The following DSCAM variants were observed in gnomAD, a reference collection of about 807,000 sequenced individuals.
The protein encoded by DSCAM is cell adhesion molecule DSCAM.
In DSCAM, 47 loss-of-function variants were observed where a neutral mutation model predicts 217.7. The observed-to-expected ratio is 0.22, with a 90% confidence interval of 0.17 to 0.28. DSCAM has a LOEUF of 0.28. Among genes scored for constraint, DSCAM ranks in the 10% least tolerant of loss-of-function variants. The pLI is 1.00. For synonymous variants in DSCAM, 1,056 were observed against 1,015.3 expected (o/e 1.04, Z -0.76); for missense variants, 2,080 against 2,618.3 (o/e 0.79, Z 4.49).
At chr21:40,381,062 CAAAAAAAAAA>C (rs71186932) in intron 3 of DSCAM, among the ~76,000 whole-genome samples, 1 of 66,222 alleles carries the variant, frequency 1.5e-5, no homozygotes, top group Non-Finnish European at 2.7e-5. Flanking sequence ...GACTCCGTCT[CAAAAAAAAAA>C]AAAAAAAAAA....
intron 16 of DSCAM, among the ~76,000 whole-genome samples, chr21:40,146,457 G>GAAC (rs756948664): frequency 3.9e-4 from 60 of 152,260 alleles, no homozygotes; most frequent in South Asian, 3.3e-3. Flanking sequence ...TCGAGCTGAT[G>GAAC]AACAGCATTG....
chr21:40,314,994 T>C (rs1218244182), intron 8 of DSCAM, among the ~76,000 whole-genome samples: 1 of 152,194 alleles, frequency 6.6e-6, no homozygotes, highest in Admixed American at 6.5e-5. Context: ...GTTGAAAGGT[T>C]ACTGGGCTAA....
chr21:40,586,818 C>A (rs1305125572), intron 3 of DSCAM, among the ~76,000 whole-genome samples: 2 of 152,188 alleles, frequency 1.3e-5, no homozygotes, highest in Non-Finnish European at 2.9e-5. Context: ...AAGCAAATTT[C>A]TGTACCTAAC....
At position 40,312,232 on chromosome 21, in the gene DSCAM, G is replaced by T. The variant is rs2074146822; in HGVS notation, c.1911C>A (p.Ile637=). The T allele has an allele frequency of 1.2e-6, 2 of 1,614,004 alleles. No homozygotes were observed. Among genetic ancestry groups the T allele is most frequent in the Admixed American group, 1.7e-5 (1 of 59,994 alleles). Reference sequence around the variant, plus strand: ...CAATGGTCACCCCAAGGCTCCCAGGGATTGGCCGGCCATCCTTCTGCCAGG... The same window carrying T: ...CAATGGTCACCCCAAGGCTCCCAGGTATTGGCCGGCCATCCTTCTGCCAGG... ...TITWQKDGRP[I]PGSLGVTIDN... The change falls in exon 9 of 33, where the codon ATC becomes ATA. Residue 637 remains isoleucine (I), a synonymous_variant. Transcript: ENST00000400454.
At chr21:40,825,599 G>A (rs760108615) in intron 1 of DSCAM, among the ~76,000 whole-genome samples, 2 of 152,104 alleles carry the variant, frequency 1.3e-5, no homozygotes, top group Non-Finnish European at 2.9e-5. Context: ...TTACAGGCAT[G>A]AGCCACCGTG....
intron 3 of DSCAM, among the ~76,000 whole-genome samples, chr21:40,553,741 C>G (rs1290142872): frequency 6.6e-6 from 1 of 152,156 alleles, no homozygotes. Context: ...CTTCAATTCT[C>G]AAATCCATTT....
intron 1 of DSCAM, among the ~76,000 whole-genome samples, chr21:40,721,207 T>C (rs199663969): frequency 1.3e-5 from 2 of 152,264 alleles, no homozygotes; most frequent in East Asian, 3.9e-4. Context: ...ACAAAAAACT[T>C]TGATGATAAT....
intron 3 of DSCAM, among the ~76,000 whole-genome samples, chr21:40,408,367 A>T (rs2075296077): frequency 6.6e-6 from 1 of 151,980 alleles, no homozygotes; most frequent in Non-Finnish European, 1.5e-5. Context: ...AGAATGGGAA[A>T]CCATACATTC....
intron 4 of DSCAM, among the ~76,000 whole-genome samples, chr21:40,364,705 T>TAC (rs1453019085): frequency 1.4e-5 from 2 of 147,906 alleles, no homozygotes; most frequent in African/African-American, 5.0e-5. Flanking sequence ...TATATATATA[T>TAC]ATACACACAC....
In DSCAM at chr21:40,821,113, TATATATAGATATATATATCTTCAC is replaced by T. The variant is rs1441846055; in HGVS notation, c.43+25482_43+25505del. Among the ~76,000 whole-genome samples, 49 of 105,916 alleles carry T rather than the reference TATATATAGATATATATATCTTCAC, an allele frequency of 4.6e-4. 1 individual carries two copies. The highest frequency in any genetic ancestry group is 2.6e-3 in the Admixed American group (22 of 8,318). The allele number at this position is 105,916 out of a possible 152,430, so 69.5% of individuals were successfully genotyped here. A position where few individuals can be genotyped will look rare whatever the true frequency, so the allele number is the denominator to read the frequency against. On this transcript the variant is annotated intron_variant, in intron 1 of 32. Coordinates refer to ENST00000400454, the MANE Select transcript of DSCAM (RefSeq NM_001389.5). ...ATAGAGAGATATATATATCTTCACA[TATATATAGATATATATATCTTCAC>T]ATATATATATATACACACTCTAATT...
chr21:40,708,577 T>C lies in DSCAM; in HGVS notation c.238A>G (p.Thr80Ala). 1 of 1,608,628 alleles carries C rather than the reference T, an allele frequency of 6.2e-7. No individual in the cohort carries two copies. Among genetic ancestry groups the C allele is most frequent in the Non-Finnish European group, 8.5e-7 (1 of 1,176,908 alleles). Residue 80 changes from threonine (T) to alanine (A), a missense_variant, in exon 2 of 33, where the codon ACT (threonine) becomes GCT (alanine). Around this residue, in one of 5 missense-constraint regions of DSCAM, gnomAD observed 568 missense variants for 678.1 expected, o/e 0.84. Coordinates refer to ENST00000400454, the MANE Select transcript of DSCAM (RefSeq NM_001389.5). ...PGIRHVHPNGTLQIFPFPPSS... is the reference protein window; with the variant it reads ...PGIRHVHPNGALQIFPFPPSS... ...GGAGGGAAGGGGAAAATTTGGAGAG[T>C]GCCGTTGGGGTGGACGTGGCGGATC...
At chr21:40,296,581 C>T (rs933390654) in intron 9 of DSCAM, among the ~76,000 whole-genome samples, 2 of 151,948 alleles carry the variant, frequency 1.3e-5, no homozygotes, top group African/African-American at 4.8e-5. Context: ...CCTGTAATCC[C>T]AACACTTTGG....
intron 3 of DSCAM, among the ~76,000 whole-genome samples, chr21:40,373,696 T>C (rs914288823): frequency 6.6e-6 from 1 of 152,242 alleles, no homozygotes; most frequent in Non-Finnish European, 1.5e-5. Flanking sequence ...CTTGTTCTTA[T>C]GAAGAATCAA....
At chr21:40,567,266 G>A (rs934930298) in intron 3 of DSCAM, among the ~76,000 whole-genome samples, 2 of 152,130 alleles carry the variant, frequency 1.3e-5, no homozygotes, top group Non-Finnish European at 2.9e-5. Flanking sequence ...GGGGCCTCCC[G>A]GTCTTCCACC....
intron 3 of DSCAM, among the ~76,000 whole-genome samples, chr21:40,452,014 C>T (rs188904230): frequency 6.6e-6 from 1 of 152,106 alleles, no homozygotes; most frequent in Admixed American, 6.5e-5. Flanking sequence ...TGATTACCTC[C>T]CTGGGACTAT....
At chr21:40,124,396 A>G in intron 19 of DSCAM, 68 bp from the exon 20 acceptor site, 1 of 1,589,190 alleles carries the variant, frequency 6.3e-7, no homozygotes, top group Admixed American at 1.7e-5. Context: ...ACGCTTCCCA[A>G]CATGACCCCA....
intron 3 of DSCAM, among the ~76,000 whole-genome samples, chr21:40,379,634 T>C (rs1412551539): frequency 6.6e-6 from 1 of 152,194 alleles, no homozygotes; most frequent in Non-Finnish European, 1.5e-5. Context: ...TCCAGTTGAT[T>C]TGGGTGTCAG....
intron 3 of DSCAM, among the ~76,000 whole-genome samples, chr21:40,684,224 A>C (rs556700434): frequency 6.6e-4 from 100 of 151,570 alleles, no homozygotes; most frequent in African/African-American, 2.3e-3. Context: ...GACTCCATCA[A>C]AAAAAAAGAA....
intron 3 of DSCAM, among the ~76,000 whole-genome samples, chr21:40,381,777 A>AC (rs1326408175): frequency 6.6e-6 from 1 of 152,214 alleles, no homozygotes; most frequent in Non-Finnish European, 1.5e-5. Flanking sequence ...CTTTGGGTTC[A>AC]CCTACTAATA....
Sources: allele counts gnomAD v4.1 joint callset (sites outside exome capture counted in the v4.1 genomes callset), GRCh38; gene constraint gnomAD v4.1.1; regional missense constraint gnomAD v4.1.1; transcripts MANE v1.5; gene names NCBI Gene and HGNC (gene_info 2026-07-23, HGNC 2026-07-21).